Variants in RSPO2 observed in about 807,000 individuals in gnomAD.
The protein encoded by RSPO2 is R-spondin-2.
In RSPO2, 14 loss-of-function variants were observed where a neutral mutation model predicts 30.9. The ratio of observed to expected loss-of-function variants is 0.45; its 90% confidence interval spans 0.30 to 0.71. The LOEUF is 0.71. Among genes scored for constraint, RSPO2 ranks in the 30% least tolerant of loss-of-function variants. The pLI is 0.08. For synonymous variants in RSPO2, 107 were observed against 96.4 expected (o/e 1.11, Z -0.64); for missense variants, 264 against 301.9 (o/e 0.87, Z 0.93).
At chr8:107,916,908 A>G (rs527891440) in intron 5 of RSPO2, among the ~76,000 whole-genome samples, 47 of 152,364 alleles carry the variant, frequency 3.1e-4, no homozygotes, top group African/African-American at 8.7e-4. Context: ...CCTTATGGTC[A>G]AACGAATTAA....
intron 2 of RSPO2, among the ~76,000 whole-genome samples, chr8:108,011,240 G>GAAAAGGGAAAGGA (rs1468309416): frequency 2.3e-5 from 3 of 131,280 alleles, no homozygotes; most frequent in Admixed American, 7.2e-5. Context: ...AAAGGAAAAG[G>GAAAAGGGAAAGGA]AAAGGAAAGG....
chr8:107,945,889 A>T (rs1466038741), intron 5 of RSPO2, among the ~76,000 whole-genome samples: 1 of 152,166 alleles, frequency 6.6e-6, no homozygotes, highest in African/African-American at 2.4e-5. Context: ...TTAAAATTTA[A>T]TGTTTCAATT....
At chr8:108,071,769 G>A (rs952994700) in intron 2 of RSPO2, among the ~76,000 whole-genome samples, 1 of 152,142 alleles carries the variant, frequency 6.6e-6, no homozygotes, top group Non-Finnish European at 1.5e-5. Context: ...CCTCTAGAAC[G>A]TCATCAAGAA....
intron 2 of RSPO2, among the ~76,000 whole-genome samples, chr8:108,047,774 C>T (rs1021048876): frequency 5.3e-5 from 8 of 151,554 alleles, no homozygotes; most frequent in Non-Finnish European, 1.0e-4. Flanking sequence ...TTGCTTGAAC[C>T]CGGGAGGCAG....
intron 5 of RSPO2, among the ~76,000 whole-genome samples, chr8:107,942,543 T>C (rs764455355): frequency 6.6e-6 from 1 of 152,188 alleles, no homozygotes; most frequent in Non-Finnish European, 1.5e-5. Context: ...CACTAGAAAG[T>C]AAAAATTTTA....
intron 2 of RSPO2, among the ~76,000 whole-genome samples, chr8:108,058,227 A>G (rs1220333762): frequency 6.6e-6 from 1 of 152,240 alleles, no homozygotes; most frequent in East Asian, 1.9e-4. Flanking sequence ...GAGCCAAATC[A>G]TGAGTGAACT....
At chr8:107,904,823 T>G (rs181851088) in intron 5 of RSPO2, among the ~76,000 whole-genome samples, 65 of 152,170 alleles carry the variant, frequency 4.3e-4, no homozygotes, top group Non-Finnish European at 8.1e-4. Flanking sequence ...AGAATATCAC[T>G]GGCAAGACAA....
intron 2 of RSPO2, among the ~76,000 whole-genome samples, chr8:107,994,435 A>G (rs892600315): frequency 6.6e-6 from 1 of 151,968 alleles, no homozygotes; most frequent in East Asian, 1.9e-4. Context: ...ACATGGTGGG[A>G]GAAGACAGTA....
chr8:107,996,770 C>T (rs1055590091), intron 2 of RSPO2: 2 of 294,348 alleles, frequency 6.8e-6, no homozygotes, highest in Non-Finnish European at 1.3e-5. Context: ...TATCAGGAGC[C>T]AACTTTCATC....
rs71308771 is a variant in RSPO2, at chr8:108,029,054, C to CTTTTTTTT, written c.95-39818_95-39811dup. On this transcript the variant is annotated intron_variant, in intron 2 of 5. Transcript: ENST00000276659. ...AACTTGGGTAACTGTTAACATGAGTCTTTTTTTTTTTTTTTTTTTTTTTTT... is the reference window on the plus strand; with the variant it reads ...AACTTGGGTAACTGTTAACATGAGTCTTTTTTTTTTTTTTTTTTTTTTTTTTTTTTTTT... Among the ~76,000 whole-genome samples the CTTTTTTTT allele has an allele frequency of 1.3e-3, 35 of 26,198 alleles. 16 individuals are homozygous for CTTTTTTTT. Among genetic ancestry groups the CTTTTTTTT allele is most frequent in the Admixed American group, 3.2e-3 (5 of 1,540 alleles). 17.2% of individuals were successfully genotyped at this position (26,198 alleles called of 152,430 possible).
intron 2 of RSPO2, among the ~76,000 whole-genome samples, chr8:108,011,319 A>C (rs780769787): frequency 1.3e-5 from 2 of 152,004 alleles, no homozygotes; most frequent in Non-Finnish European, 2.9e-5. Context: ...TTTTACATAC[A>C]CACAAAAAAT....
intron 5 of RSPO2, among the ~76,000 whole-genome samples, chr8:107,950,354 A>C (rs548977362): frequency 6.6e-6 from 1 of 152,348 alleles, no homozygotes; most frequent in African/African-American, 2.4e-5. Context: ...TTTGCCTGGT[A>C]GCAAACCTAA....
chr8:107,977,444 A>C (rs1814256181), intron 3 of RSPO2, among the ~76,000 whole-genome samples: 1 of 152,222 alleles, frequency 6.6e-6, no homozygotes, highest in South Asian at 2.1e-4. Context: ...TTTGAGAACC[A>C]CTTCATTCTA....
At chr8:107,936,781 A>G (rs2130362248) in intron 5 of RSPO2, among the ~76,000 whole-genome samples, 1 of 152,260 alleles carries the variant, frequency 6.6e-6, no homozygotes, top group Non-Finnish European at 1.5e-5. Context: ...ATTTTTTCAT[A>G]TACCTGTTGG....
At chr8:107,953,594 A>G (rs1042198249) in intron 5 of RSPO2, among the ~76,000 whole-genome samples, 4 of 152,188 alleles carry the variant, frequency 2.6e-5, no homozygotes, top group South Asian at 2.1e-4. Flanking sequence ...TTGGACAACC[A>G]TGGCTTTATC....
chr8:108,052,994 G>A (rs1029842804), intron 2 of RSPO2, among the ~76,000 whole-genome samples: 2 of 152,132 alleles, frequency 1.3e-5, no homozygotes, highest in African/African-American at 4.8e-5. Flanking sequence ...GGCAGAGCTA[G>A]TCAAGAGTTG....
intron 2 of RSPO2, among the ~76,000 whole-genome samples, chr8:108,025,070 C>T (rs1200989909): frequency 6.6e-6 from 1 of 152,034 alleles, no homozygotes; most frequent in Non-Finnish European, 1.5e-5. Flanking sequence ...AAAGCAGAAA[C>T]AAATTTATAA....
chr8:107,903,221 T>C (rs1181076335), intron 5 of RSPO2, among the ~76,000 whole-genome samples: 3 of 152,128 alleles, frequency 2.0e-5, no homozygotes, highest in Admixed American at 6.5e-5. Context: ...TTAATTGATA[T>C]AAAGCCTGGA....
At chr8:107,903,275 A>G (rs1346079266) in intron 5 of RSPO2, among the ~76,000 whole-genome samples, 1 of 152,110 alleles carries the variant, frequency 6.6e-6, no homozygotes, top group Non-Finnish European at 1.5e-5. Context: ...TGGAAAAATA[A>G]AGCTTATCTT....
Sources: allele counts gnomAD v4.1 joint callset (sites outside exome capture counted in the v4.1 genomes callset), GRCh38; gene constraint gnomAD v4.1.1; transcripts MANE v1.5; gene names NCBI Gene and HGNC (gene_info 2026-07-23, HGNC 2026-07-21).